ZNF827: variants seen among roughly 807,000 people sequenced by gnomAD.
ZNF827 encodes the protein zinc finger protein 827.
ZNF827 carries 13 observed loss-of-function variants against 102.4 expected under a neutral mutation model. The observed-to-expected ratio is 0.13, with a 90% confidence interval of 0.08 to 0.20. The LOEUF is 0.20. ZNF827 is among the 10% of genes least tolerant of loss of function. ZNF827 has a pLI of 1.00. For synonymous variants in ZNF827, 523 were observed against 536.2 expected, an observed-to-expected ratio of 0.98 and a Z score of 0.34; for missense variants, 1,103 against 1,344.4, an observed-to-expected ratio of 0.82 and a Z score of 2.81.
intron 8 of ZNF827, among the ~76,000 whole-genome samples, chr4:145,807,496 A>G (rs6537380): frequency 0.96 from 144,911 of 150,910 alleles, 69,636 homozygotes; most frequent in African/African-American, 0.99. Context: ...TTTTTGAGAC[A>G]TAGTCTCGCT....
intron 8 of ZNF827, among the ~76,000 whole-genome samples, chr4:145,809,560 A>G (rs2126377063): frequency 6.6e-6 from 1 of 152,326 alleles, no homozygotes; most frequent in South Asian, 2.1e-4. Flanking sequence ...AGTTTCTATA[A>G]TCCCTTACTG....
At chr4:145,925,432 C>T (rs571935776) in intron 1 of ZNF827, among the ~76,000 whole-genome samples, 11 of 152,212 alleles carry the variant, frequency 7.2e-5, no homozygotes, top group Non-Finnish European at 1.5e-4. Context: ...ACCCATCTAA[C>T]TGATAGTATA....
intron 3 of ZNF827, among the ~76,000 whole-genome samples, chr4:145,887,133 G>A (rs1750182126): frequency 6.6e-6 from 1 of 152,278 alleles, no homozygotes; most frequent in Middle Eastern, 3.4e-3. Context: ...TGTAGATGTG[G>A]GCCAAATGAT....
chr4:145,824,209 G>T (rs985766885), intron 7 of ZNF827, among the ~76,000 whole-genome samples: 6 of 152,158 alleles, frequency 3.9e-5, no homozygotes, highest in African/African-American at 1.4e-4. Flanking sequence ...CAGACATCCT[G>T]CCAGGGTTCC....
At chr4:145,845,867 A>G (rs1745876869) in intron 7 of ZNF827, 89 bp downstream of exon 7, 1 of 1,351,126 alleles carries the variant, frequency 7.4e-7, no homozygotes. Flanking sequence ...CCAGTGGGAG[A>G]AAGAGGTTTG....
chr4:145,915,111 G>A (rs554761947), intron 1 of ZNF827, among the ~76,000 whole-genome samples: 1 of 152,316 alleles, frequency 6.6e-6, no homozygotes, highest in Admixed American at 6.5e-5. Flanking sequence ...CCTGTGCTGA[G>A]AGAGAGCAAG....
In ZNF827 at chr4:145,765,677, C is replaced by G; in HGVS notation, c.2922G>C (p.Leu974=). 1 of 1,614,160 alleles carries G rather than the reference C, an allele frequency of 6.2e-7. No individual in the cohort carries two copies. The highest frequency in any genetic ancestry group is 8.5e-7 in the Non-Finnish European group (1 of 1,180,030). The change falls in exon 12 of 15, where the codon CTG becomes CTC. Residue 974 remains leucine (L), a synonymous_variant. Coordinates refer to ENST00000508784, the MANE Select transcript of ZNF827 (RefSeq NM_001306215.2). The surrounding 1 kb of genome is among the most constrained non-coding windows in gnomAD (Gnocchi z 4.7). ...CATCTTTGCTGTTGGCTGAATCACT[C>G]AGAGCTGAGAGGGAGGATGAAGAGG... ...NSPSSSSLSA[L]SDSANSKDDS...
intron 8 of ZNF827, among the ~76,000 whole-genome samples, chr4:145,804,618 G>A (rs1741225878): frequency 6.6e-6 from 1 of 152,196 alleles, no homozygotes; most frequent in Admixed American, 6.5e-5. Context: ...AGGTAGGTGG[G>A]AACTGGTACA....
At chr4:145,924,508 G>A (rs1407790741) in intron 1 of ZNF827, among the ~76,000 whole-genome samples, 1 of 152,154 alleles carries the variant, frequency 6.6e-6, no homozygotes, top group African/African-American at 2.4e-5. Flanking sequence ...AAGAGGGGAG[G>A]GCAAGCCCTG....
chr4:145,789,881 GGAGA>G (rs1175469181), intron 8 of ZNF827, among the ~76,000 whole-genome samples: 1 of 152,208 alleles, frequency 6.6e-6, no homozygotes, highest in Non-Finnish European at 1.5e-5. Context: ...GGGCCTGCCT[GGAGA>G]GAGAATGGTG....
chr4:145,803,820 G>A (rs1288268645), intron 8 of ZNF827, among the ~76,000 whole-genome samples: 1 of 152,116 alleles, frequency 6.6e-6, no homozygotes, highest in Non-Finnish European at 1.5e-5. Flanking sequence ...TGACTTAAAC[G>A]CATTCAGAGT....
Position 145,761,638 on chromosome 4 carries a change from G to C in ZNF827, c.*18-40C>G. On this transcript the variant is annotated intron_variant, in intron 14 of 14. Transcript: ENST00000508784. This position sits in a 1 kb window ranked among gnomAD's most constrained non-coding sequence, Gnocchi z 6.8. ...AACGCAAGGGAGGTTCAGCCGGGAA[G>C]GTTCGGAGGCAGCCGCGCTTCTCGC... 1 of 1,180,488 alleles carries C rather than the reference G, an allele frequency of 8.5e-7. No homozygotes were observed. The highest frequency in any genetic ancestry group is 1.1e-6 in the Non-Finnish European group (1 of 912,044). The allele number at this position is 1,180,488 out of a possible 1,614,324, so 73.1% of individuals were successfully genotyped here.
intron 8 of ZNF827, among the ~76,000 whole-genome samples, chr4:145,783,970 G>A (rs1260622933): frequency 6.6e-6 from 1 of 152,174 alleles, no homozygotes; most frequent in Non-Finnish European, 1.5e-5. Flanking sequence ...TCTCTCTGGT[G>A]CTGTTCTCAT....
At chr4:145,845,887 G>A (rs896947145) in intron 7 of ZNF827, 69 bp downstream of exon 7, 7 of 1,528,066 alleles carry the variant, frequency 4.6e-6, no homozygotes, top group Non-Finnish European at 6.3e-6. Flanking sequence ...GGGGAGCAAC[G>A]TTCAACATGT....
intron 2 of ZNF827, among the ~76,000 whole-genome samples, chr4:145,893,762 T>C (rs1750778690): frequency 6.6e-6 from 1 of 152,196 alleles, no homozygotes; most frequent in South Asian, 2.1e-4. Flanking sequence ...TCTATATAAC[T>C]AACCCTTTAT....
intron 8 of ZNF827, among the ~76,000 whole-genome samples, chr4:145,791,418 T>TG (rs1372477055): frequency 6.6e-6 from 1 of 152,100 alleles, no homozygotes; most frequent in Non-Finnish European, 1.5e-5. Flanking sequence ...TGAATTGAAA[T>TG]GGGGGGACAT....
At chr4:145,847,051 G>A (rs1401096984) in intron 6 of ZNF827, among the ~76,000 whole-genome samples, 1 of 152,168 alleles carries the variant, frequency 6.6e-6, no homozygotes, top group Non-Finnish European at 1.5e-5. Context: ...CTACTTGGGA[G>A]GCTGAGGCAG....
intron 8 of ZNF827, among the ~76,000 whole-genome samples, chr4:145,815,224 T>C (rs1742472620): frequency 6.6e-6 from 1 of 152,224 alleles, no homozygotes; most frequent in Non-Finnish European, 1.5e-5. Context: ...TGATGTGGGA[T>C]GTCTGAATGG....
At chr4:145,807,671 C>T (rs11731342) in intron 8 of ZNF827, among the ~76,000 whole-genome samples, 12,251 of 151,288 alleles carry the variant, frequency 0.081, 580 homozygotes, top group African/African-American at 0.14. Flanking sequence ...GGGGTTTCAC[C>T]ATCTTGGCCA....
Sources: gnomAD v4.1 joint callset for allele counts (sites outside exome capture counted in the v4.1 genomes callset) on GRCh38, gnomAD v4.1.1 for gene constraint, Gnocchi (gnomAD v3.1) non-coding constraint, MANE v1.5 for transcripts, NCBI Gene and HGNC (gene_info 2026-07-23, HGNC 2026-07-21) for gene names.